The following GPHN variants were observed in gnomAD, a reference collection of about 807,000 sequenced individuals.
GPHN encodes the protein gephyrin.
In GPHN, 17 loss-of-function variants were observed where a neutral mutation model predicts 95.5. That is an observed-to-expected ratio of 0.18 (90% CI 0.12 to 0.27). GPHN has a LOEUF of 0.27. Among genes scored for constraint, GPHN ranks in the 10% least tolerant of loss-of-function variants. The pLI, the probability that GPHN is intolerant of heterozygous loss-of-function variation, is 1.00. For synonymous variants in GPHN, 320 were observed against 322.5 expected (o/e 0.99, Z 0.08); for missense variants, 660 against 978.1 (o/e 0.67, Z 4.34).
At position 67,122,529 on chromosome 14, in the gene GPHN, T is replaced by C. The variant is rs897092215; in HGVS notation, c.1748+152T>C. 6 of 668,710 alleles carry C rather than the reference T, an allele frequency of 9.0e-6. No individual in the cohort carries two copies. The African/African-American group carries it at 1.1e-4, about 12-fold the overall frequency. 41.4% of individuals were successfully genotyped at this position (668,710 alleles called of 1,614,324 possible). ...TCAGAAGCCAAAGAATATTGAGGTA[T>C]CTATGTCCTTTAGAGATAAAGATTT... is the stretch of plus-strand genomic sequence containing the variant. On this transcript the variant is annotated intron_variant, in intron 17 of 22. Coordinates refer to ENST00000478722, the MANE Select transcript of GPHN (RefSeq NM_020806.5).
At chr14:67,373,652 G>A in the GPHN span, among the ~76,000 whole-genome samples, 12 of 152,270 alleles carry the variant, frequency 7.9e-5, no homozygotes, top group Admixed American at 2.6e-4. Context: ...GCTATTTGAC[G>A]TTGACAAGTT....
chr14:66,667,539 A>T (rs1168504948), intron 1 of GPHN, among the ~76,000 whole-genome samples: 2 of 152,188 alleles, frequency 1.3e-5, no homozygotes, highest in African/African-American at 4.8e-5. Flanking sequence ...CCTGACAAAA[A>T]CAAGCAATGG....
In GPHN at chr14:66,814,478, T is replaced by C. The variant is rs139945684; in HGVS notation, c.202-9996T>C. 4.1e-4 allele frequency among the ~76,000 whole-genome samples: 62 copies of C among 152,120 alleles called. 3 individuals are homozygous for C. In the East Asian group the frequency reaches 0.01, roughly 25 times the overall value. On this transcript the variant is annotated intron_variant, in intron 3 of 22. Transcript: ENST00000478722. ...CACAATGGACTGAACCTCAAAGAGG[T>C]CAAACTGGGGCCCAATGCAAGTCCC...
At chr14:66,682,160 G>A (rs959920285) in intron 2 of GPHN, among the ~76,000 whole-genome samples, 24 of 152,130 alleles carry the variant, frequency 1.6e-4, no homozygotes, top group African/African-American at 5.1e-4. Flanking sequence ...ATATGATGTC[G>A]TGAGTTCAGA....
chr14:66,852,486 G>A (rs1462640779), intron 4 of GPHN, among the ~76,000 whole-genome samples: 1 of 152,226 alleles, frequency 6.6e-6, no homozygotes, highest in East Asian at 1.9e-4. Flanking sequence ...TATTGCATAT[G>A]GATGAATAAG....
At chr14:67,582,282 A>G in the GPHN span, 1 of 1,607,560 alleles carries the variant, frequency 6.2e-7, no homozygotes, top group Non-Finnish European at 8.5e-7. This position sits in a 1 kb window ranked among gnomAD's most constrained non-coding sequence, Gnocchi z 5.0. Context: ...AGCCTGAAAC[A>G]CAGGAGAGAT....
intron 2 of GPHN, among the ~76,000 whole-genome samples, chr14:66,774,074 G>A (rs1465104948): frequency 7.2e-6 from 1 of 138,156 alleles, no homozygotes; most frequent in African/African-American, 2.9e-5. Flanking sequence ...CTCAATCTCG[G>A]CTCACTGCAA....
the GPHN span, among the ~76,000 whole-genome samples, chr14:67,277,005 A>G: frequency 6.6e-6 from 1 of 152,216 alleles, no homozygotes; most frequent in African/African-American, 2.4e-5. Flanking sequence ...AGAGAGGGTT[A>G]AGAGTTTTAA....
At chr14:67,642,166 C>A in the GPHN span, 1 of 1,610,372 alleles carries the variant, frequency 6.2e-7, no homozygotes, top group South Asian at 1.1e-5. Flanking sequence ...TTCATCTTGT[C>A]ATCCCTCATT....
intron 2 of GPHN, among the ~76,000 whole-genome samples, chr14:66,717,225 A>T (rs1366269388): frequency 6.6e-6 from 1 of 152,060 alleles, no homozygotes; most frequent in African/African-American, 2.4e-5. Flanking sequence ...TGTAGGATTG[A>T]GTTCATTTGA....
chr14:67,303,132 G>A, the GPHN span, among the ~76,000 whole-genome samples: 3 of 152,218 alleles, frequency 2.0e-5, no homozygotes. Flanking sequence ...CCATTATTAA[G>A]ATACAGAAAT....
chr14:67,292,986 C>G, the GPHN span, among the ~76,000 whole-genome samples: 2 of 151,974 alleles, frequency 1.3e-5, no homozygotes, highest in Non-Finnish European at 2.9e-5. Flanking sequence ...ATTTGAATTA[C>G]TAGAGAGCAA....
the GPHN span, among the ~76,000 whole-genome samples, chr14:67,552,855 G>A: frequency 2.6e-5 from 4 of 152,062 alleles, no homozygotes; most frequent in South Asian, 2.1e-4. Context: ...ACCCAGGGCT[G>A]GGAGGATACC....
intron 1 of GPHN, among the ~76,000 whole-genome samples, chr14:66,554,305 T>C (rs2059929393): frequency 6.6e-6 from 1 of 152,170 alleles, no homozygotes; most frequent in Non-Finnish European, 1.5e-5. Context: ...TTAAATTGAG[T>C]ATAAGTGGCA....
intron 9 of GPHN, among the ~76,000 whole-genome samples, chr14:66,971,412 A>G (rs1376031317): frequency 6.6e-6 from 1 of 152,210 alleles, no homozygotes; most frequent in Admixed American, 6.5e-5. Context: ...TCCACAACCA[A>G]AGAAAATCTG....
At chr14:67,049,149 T>C (rs980682505) in intron 10 of GPHN, among the ~76,000 whole-genome samples, 1 of 152,186 alleles carries the variant, frequency 6.6e-6, no homozygotes, top group Non-Finnish European at 1.5e-5. Context: ...ACTTCTGTTC[T>C]ACAGTCACAA....
At chr14:67,255,249 A>G in the GPHN span, among the ~76,000 whole-genome samples, 1 of 152,216 alleles carries the variant, frequency 6.6e-6, no homozygotes, top group South Asian at 2.1e-4. Flanking sequence ...GGAATGAAGA[A>G]AATCTGCATG....
intron 2 of GPHN, among the ~76,000 whole-genome samples, chr14:66,763,956 T>G (rs1392539994): frequency 6.6e-6 from 1 of 152,346 alleles, no homozygotes; most frequent in East Asian, 1.9e-4. Context: ...GAGAATCGAA[T>G]GCCTGAAGAT....
chr14:66,947,659 T>G (rs1347099645), intron 8 of GPHN, among the ~76,000 whole-genome samples: 1 of 152,206 alleles, frequency 6.6e-6, no homozygotes, highest in African/African-American at 2.4e-5. Context: ...ACCCATGATG[T>G]ATAAGAATTG....
Sources: gnomAD v4.1 joint callset for allele counts (sites outside exome capture counted in the v4.1 genomes callset) on GRCh38, gnomAD v4.1.1 for gene constraint, Gnocchi (gnomAD v3.1) non-coding constraint, MANE v1.5 for transcripts, NCBI Gene and HGNC (gene_info 2026-07-23, HGNC 2026-07-21) for gene names.